Variants in GRK5 observed in about 807,000 individuals in gnomAD.
The protein encoded by GRK5 is g protein-coupled receptor kinase GRK5.
GRK5 carries 40 observed loss-of-function variants against 78.4 expected under a neutral mutation model. That is an observed-to-expected ratio of 0.51 (90% CI 0.40 to 0.66). The LOEUF (loss-of-function observed/expected upper bound fraction) is 0.66. Ranked by LOEUF, GRK5 falls within the 30% of genes least tolerant of loss-of-function variation. GRK5 has a pLI of 0.00. For synonymous variants in GRK5, 289 were observed against 296.8 expected, an observed-to-expected ratio of 0.97 and a Z score of 0.27; for missense variants, 598 against 759.9, an observed-to-expected ratio of 0.79 and a Z score of 2.50.
intron 4 of GRK5, among the ~76,000 whole-genome samples, chr10:119,413,145 A>C (rs115950300): frequency 0.032 from 4,912 of 152,060 alleles, 122 homozygotes; most frequent in Middle Eastern, 0.1. Flanking sequence ...TGAGACCGAC[A>C]CGGCGGTACC....
At chr10:119,231,724 GA>G (rs941642401) in intron 1 of GRK5, among the ~76,000 whole-genome samples, 13 of 142,444 alleles carry the variant, frequency 9.1e-5, no homozygotes, top group African/African-American at 1.8e-4. Flanking sequence ...AAAAAAAAAA[GA>G]AAAAAAACTC....
At chr10:119,214,990 G>A (rs1327719572) in intron 1 of GRK5, among the ~76,000 whole-genome samples, 1 of 152,252 alleles carries the variant, frequency 6.6e-6, no homozygotes, top group Non-Finnish European at 1.5e-5. Flanking sequence ...TAGACGGGCT[G>A]CAGTTCTGGA....
At chr10:119,236,671 G>A (rs1288252494) in intron 1 of GRK5, among the ~76,000 whole-genome samples, 2 of 151,624 alleles carry the variant, frequency 1.3e-5, no homozygotes, top group Non-Finnish European at 2.9e-5. Flanking sequence ...ACGGAGTCTT[G>A]CTCTGTTGCT....
At chr10:119,396,879 C>A in intron 4 of GRK5, 107 bp downstream of exon 4, 2 of 858,760 alleles carry the variant, frequency 2.3e-6, no homozygotes, top group Non-Finnish European at 1.9e-6. Context: ...AAGTGCTGGG[C>A]TGGTGGCTGT....
chr10:119,275,897 T>A (rs951508472), intron 1 of GRK5, among the ~76,000 whole-genome samples: 1 of 152,138 alleles, frequency 6.6e-6, no homozygotes, highest in Non-Finnish European at 1.5e-5. Flanking sequence ...TTGGGGACCG[T>A]CTCGCTAAGC....
At chr10:119,386,629 G>C (rs558293934) in intron 3 of GRK5, among the ~76,000 whole-genome samples, 2 of 152,320 alleles carry the variant, frequency 1.3e-5, no homozygotes, top group Admixed American at 1.3e-4. Flanking sequence ...ACGAGGGGCC[G>C]ACCCGCTCCC....
chr10:119,354,395 C>CT (rs60146483), intron 2 of GRK5, among the ~76,000 whole-genome samples: 38,588 of 87,936 alleles, frequency 0.44, 9,863 homozygotes, highest in Non-Finnish European at 0.49. Context: ...CCTACATCTC[C>CT]TTTTTTTTTT....
Position 119,263,464 on chromosome 10 carries a change from A to G in GRK5, c.52+55495A>G, listed in dbSNP as rs543744505. Among the ~76,000 whole-genome samples the G allele has an allele frequency of 6.6e-5, 10 of 152,330 alleles. No individual in the cohort carries two copies. In the Middle Eastern group the frequency reaches 0.01, roughly 155 times the overall value. On this transcript the variant is annotated intron_variant, in intron 1 of 15. Coordinates refer to ENST00000392870, the MANE Select transcript of GRK5 (RefSeq NM_005308.3). ...AACATCTCTTGGCATCTTCCAGAAT[A>G]CAGTTATACAGGCCCATCAGCTTGG...
intron 1 of GRK5, among the ~76,000 whole-genome samples, chr10:119,292,067 CCTT>C (rs1402292337): frequency 1.6e-5 from 2 of 128,892 alleles, no homozygotes; most frequent in African/African-American, 3.0e-5. Flanking sequence ...TCCTCTTCCT[CCTT>C]CTCCTCCTCT....
chr10:119,450,293 A>T lies in GRK5; in HGVS notation c.1404+2033A>T, dbSNP rs188233498. On this transcript the variant is annotated intron_variant, in intron 13 of 15. Transcript: ENST00000392870. ...CCTATTGCTATGGTGACGGGCTGAG[A>T]TTAGTCATCGCATTGGAGCTATTCC... Among the ~76,000 whole-genome samples the T allele has an allele frequency of 2.0e-5, 3 of 152,270 alleles. No homozygotes were observed. The East Asian group carries it at 5.8e-4, about 29-fold the overall frequency.
At chr10:119,392,690 C>T (rs778855986) in intron 3 of GRK5, among the ~76,000 whole-genome samples, 21 of 151,854 alleles carry the variant, frequency 1.4e-4, no homozygotes, top group Non-Finnish European at 2.8e-4. Flanking sequence ...AGGTGTGAAC[C>T]ACCGCCCCTG....
At chr10:119,399,214 C>T (rs1324776414) in intron 4 of GRK5, among the ~76,000 whole-genome samples, 2 of 152,260 alleles carry the variant, frequency 1.3e-5, no homozygotes, top group Non-Finnish European at 2.9e-5. Flanking sequence ...CCATATGTTA[C>T]GGCCAGGGAG....
intron 12 of GRK5, among the ~76,000 whole-genome samples, chr10:119,447,554 C>T (rs1853178640): frequency 6.6e-6 from 1 of 152,166 alleles, no homozygotes; most frequent in African/African-American, 2.4e-5. Context: ...ACTTAAATAC[C>T]TCTTCCCCGT....
At chr10:119,327,995 CT>C (rs1299184554) in intron 2 of GRK5, among the ~76,000 whole-genome samples, 1 of 152,230 alleles carries the variant, frequency 6.6e-6, no homozygotes, top group Non-Finnish European at 1.5e-5. Flanking sequence ...TGACAAGTTA[CT>C]TTATCCTGCT....
At chr10:119,218,748 T>C (rs1371862076) in intron 1 of GRK5, among the ~76,000 whole-genome samples, 3 of 152,200 alleles carry the variant, frequency 2.0e-5, no homozygotes, top group African/African-American at 7.2e-5. Flanking sequence ...TTGATGCCAC[T>C]ACCCCTGCTG....
intron 1 of GRK5, among the ~76,000 whole-genome samples, chr10:119,321,520 G>A (rs1850585811): frequency 6.6e-6 from 1 of 152,148 alleles, no homozygotes; most frequent in Non-Finnish European, 1.5e-5. Flanking sequence ...GTGAGTCTTC[G>A]TCACATTGCA....
At chr10:119,410,541 T>G (rs1159501673) in intron 4 of GRK5, among the ~76,000 whole-genome samples, 2 of 152,182 alleles carry the variant, frequency 1.3e-5, no homozygotes, top group Non-Finnish European at 2.9e-5. Context: ...GTGAAGGGGC[T>G]GGAACCACCC....
intron 1 of GRK5, among the ~76,000 whole-genome samples, chr10:119,236,552 C>A (rs1848935161): frequency 6.6e-6 from 1 of 152,168 alleles, no homozygotes; most frequent in Admixed American, 6.5e-5. Context: ...TTTCACGTAA[C>A]CTTTCTGATT....
chr10:119,431,568 G>A lies in GRK5; in HGVS notation c.738+41G>A. On this transcript the variant is annotated intron_variant, in intron 8 of 15. Transcript: ENST00000392870. The surrounding 1 kb of genome is among the most constrained non-coding windows in gnomAD (Gnocchi z 4.8). The stretch of plus-strand genomic sequence containing the variant: ...GGCCCAGTGACCGGCTCGCCCTTCT[G>A]TGGACTGGGGCTTCCCTCCCTCCGG... 1 of 1,595,030 alleles carries A rather than the reference G, an allele frequency of 6.3e-7. No individual in the cohort carries two copies. The highest frequency in any genetic ancestry group is 8.5e-7 in the Non-Finnish European group (1 of 1,169,826).
Sources: gnomAD v4.1 joint callset for allele counts (sites outside exome capture counted in the v4.1 genomes callset) on GRCh38, gnomAD v4.1.1 for gene constraint, Gnocchi (gnomAD v3.1) non-coding constraint, MANE v1.5 for transcripts, NCBI Gene and HGNC (gene_info 2026-07-23, HGNC 2026-07-21) for gene names.